Variants in TMEM233 observed in about 807,000 individuals in gnomAD.
TMEM233 encodes the protein transmembrane protein 233.
A neutral mutation model predicts 11.2 loss-of-function variants in TMEM233; 6 were observed. That is an observed-to-expected ratio of 0.54 (90% confidence interval 0.29 to 1.06). The LOEUF (loss-of-function observed/expected upper bound fraction) is 1.06. Ranked by LOEUF, TMEM233 falls within the 50% of genes least tolerant of loss-of-function variation. TMEM233 has a pLI of 0.08. For missense variants in TMEM233, 127 were observed against 144.7 expected (o/e 0.88, Z 0.63); for synonymous variants, 59 against 55.8 (o/e 1.06, Z -0.26).
At chr12:119,619,079 G>T (rs537574905) in intron 1 of TMEM233, among the ~76,000 whole-genome samples, 2 of 152,248 alleles carry the variant, frequency 1.3e-5, no homozygotes, top group South Asian at 4.1e-4. Flanking sequence ...TAGTGAGTAA[G>T]TTCTCACAAG....
chr12:119,612,080 G>A (rs1274815787), intron 1 of TMEM233, among the ~76,000 whole-genome samples: 3 of 151,378 alleles, frequency 2.0e-5, no homozygotes, highest in East Asian at 1.9e-4. Flanking sequence ...TGCAACCTCC[G>A]CCTCCCGGGT....
downstream of TMEM233, among the ~76,000 whole-genome samples, chr12:119,647,961 G>A (rs761693344): frequency 3.9e-5 from 6 of 151,938 alleles, no homozygotes; most frequent in East Asian, 5.8e-4. Context: ...CTTCTACCTC[G>A]CCCCCACTCT....
chr12:119,624,744 C>T (rs1438586981), intron 1 of TMEM233, among the ~76,000 whole-genome samples: 2 of 151,624 alleles, frequency 1.3e-5, no homozygotes, highest in Admixed American at 1.3e-4. Context: ...GATGAAAATT[C>T]CAGAGATAGA....
intron 1 of TMEM233, among the ~76,000 whole-genome samples, chr12:119,619,974 A>G (rs1195720192): frequency 1.3e-5 from 2 of 152,260 alleles, no homozygotes; most frequent in Non-Finnish European, 2.9e-5. Flanking sequence ...GTATGGGTAC[A>G]AAACTCATCA....
chr12:119,611,154 T>C (rs922094692), intron 1 of TMEM233, among the ~76,000 whole-genome samples: 34 of 152,354 alleles, frequency 2.2e-4, no homozygotes, highest in Middle Eastern at 3.4e-3. Context: ...ACAACTTTTC[T>C]GTATGAACTT....
At chr12:119,607,236 G>A (rs1298592348) in intron 1 of TMEM233, among the ~76,000 whole-genome samples, 1 of 152,134 alleles carries the variant, frequency 6.6e-6, no homozygotes, top group Non-Finnish European at 1.5e-5. Context: ...TTTAATCTTG[G>A]CACTACTGTT....
intron 1 of TMEM233, among the ~76,000 whole-genome samples, chr12:119,611,531 T>C (rs1251211481): frequency 8.5e-6 from 1 of 117,214 alleles, no homozygotes; most frequent in Non-Finnish European, 1.8e-5. Context: ...GTCTTTTTAT[T>C]GTTGAGTTTA....
Position 119,640,837 on chromosome 12 carries a change from G to T in TMEM233, c.*132G>T. The T allele has an allele frequency of 1.3e-6, 1 of 788,916 alleles. No homozygotes were observed. The highest frequency in any genetic ancestry group is 1.8e-6 in the Non-Finnish European group (1 of 568,588). 48.9% of individuals were successfully genotyped at this position (788,916 alleles called of 1,614,324 possible). A position where few individuals can be genotyped will look rare whatever the true frequency, so the allele number is the denominator to read the frequency against. On this transcript the variant is annotated 3_prime_UTR_variant, in exon 3 of 3. Transcript: ENST00000426426. ...TTCCTCCAGGACTCTCCAGAGGCAGGTCCCTGGCAAATGAACAAGAAAAAA... is the reference window on the plus strand; with the variant it reads ...TTCCTCCAGGACTCTCCAGAGGCAGTTCCCTGGCAAATGAACAAGAAAAAA...
intron 1 of TMEM233, among the ~76,000 whole-genome samples, chr12:119,608,496 G>A (rs912648386): frequency 2.6e-5 from 4 of 152,248 alleles, no homozygotes; most frequent in African/African-American, 9.6e-5. Context: ...GGCTGAGGGA[G>A]TGGCAAATAG....
At chr12:119,634,107 T>C (rs959318240) in intron 2 of TMEM233, 1 of 234,736 alleles carries the variant, frequency 4.3e-6, no homozygotes, top group Non-Finnish European at 7.0e-6. Context: ...GGTTTTCATT[T>C]ACAGCAAACT....
intron 2 of TMEM233, chr12:119,631,552 A>T: frequency 1.0e-6 from 1 of 985,472 alleles, no homozygotes; most frequent in Non-Finnish European, 1.2e-6. Flanking sequence ...CAGGATGGCA[A>T]ATTTGATGTT....
At chr12:119,626,517 G>T (rs1954763158) in intron 1 of TMEM233, among the ~76,000 whole-genome samples, 1 of 68,698 alleles carries the variant, frequency 1.5e-5, no homozygotes, top group Admixed American at 1.4e-4. Context: ...AGGAGGAGGA[G>T]GAGAAGGGAG....
chr12:119,603,799 A>G (rs1401948820), intron 1 of TMEM233, among the ~76,000 whole-genome samples: 1 of 152,226 alleles, frequency 6.6e-6, no homozygotes. Flanking sequence ...CAAACATTTG[A>G]TGAATGAATA....
chr12:119,617,826 T>G (rs2136728408), intron 1 of TMEM233, among the ~76,000 whole-genome samples: 1 of 151,788 alleles, frequency 6.6e-6, no homozygotes, highest in East Asian at 1.9e-4. Flanking sequence ...AGAAAGAAAC[T>G]CCATCTCAAA....
chr12:119,595,374 C>G lies in TMEM233; in HGVS notation c.186+1340C>G, dbSNP rs1014076658. ...CCGTCCCCCATCAAGTCCGCCCACA[C>G]TTGCCCACGGGTGGTGGCACCATAT... On this transcript the variant is annotated intron_variant, in intron 1 of 2. Transcript: ENST00000426426. The surrounding 1 kb of genome is among the most constrained non-coding windows in gnomAD (Gnocchi z 4.3). Among the ~76,000 whole-genome samples, 1 of 152,264 alleles carries G rather than the reference C, an allele frequency of 6.6e-6. No individual in the cohort carries two copies. The highest frequency in any genetic ancestry group is 1.5e-5 in the Non-Finnish European group (1 of 68,050).
chr12:119,652,637 T>C, the TMEM233 span, among the ~76,000 whole-genome samples: 1 of 151,834 alleles, frequency 6.6e-6, no homozygotes, highest in East Asian at 1.9e-4. Flanking sequence ...ATGAGAGAAA[T>C]CCCAGAAATG....
the TMEM233 span, among the ~76,000 whole-genome samples, chr12:119,653,113 G>T: frequency 6.6e-6 from 1 of 152,040 alleles, no homozygotes; most frequent in Non-Finnish European, 1.5e-5. Context: ...AAATCACTGG[G>T]CCGGGCACAG....
intron 2 of TMEM233, among the ~76,000 whole-genome samples, chr12:119,636,154 A>G (rs780976054): frequency 1.2e-4 from 18 of 152,144 alleles, no homozygotes; most frequent in Non-Finnish European, 2.2e-4. Context: ...TCCCCTGGCA[A>G]CCCACTCCCA....
At chr12:119,616,197 A>C (rs1313577666) in intron 1 of TMEM233, among the ~76,000 whole-genome samples, 1 of 152,230 alleles carries the variant, frequency 6.6e-6, no homozygotes, top group Non-Finnish European at 1.5e-5. Context: ...CCGTTTTGCC[A>C]ACATGAGCCT....
Sources: gnomAD v4.1 joint callset for allele counts (sites outside exome capture counted in the v4.1 genomes callset) on GRCh38, gnomAD v4.1.1 for gene constraint, Gnocchi (gnomAD v3.1) non-coding constraint, MANE v1.5 for transcripts, NCBI Gene and HGNC (gene_info 2026-07-23, HGNC 2026-07-21) for gene names.